The following SYT16 variants were observed in gnomAD, a reference collection of about 807,000 sequenced individuals.
SYT16 encodes synaptotagmin 16.
Under a neutral mutation model 61.4 loss-of-function variants are expected in SYT16, and 42 were observed. The ratio of observed to expected loss-of-function variants is 0.68; its 90% CI spans 0.53 to 0.89. The LOEUF is 0.89. Ranked by LOEUF, SYT16 falls within the 40% of genes least tolerant of loss-of-function variation. The pLI, the probability that SYT16 is intolerant of heterozygous loss-of-function variation, is 0.00. For missense variants in SYT16, 804 were observed against 807.3 expected (o/e 1.00, Z 0.05); for synonymous variants, 314 against 302.3 (o/e 1.04, Z -0.40).
chr14:62,093,629 A>G (rs1202651158), intron 7 of SYT16, among the ~76,000 whole-genome samples: 3 of 152,198 alleles, frequency 2.0e-5, no homozygotes, highest in East Asian at 1.9e-4. Context: ...AAAATCTGCT[A>G]GTGTAATTTA....
chr14:61,975,939 CA>C lies in SYT16; in HGVS notation c.-145+5630del, dbSNP rs537963216. Among the ~76,000 whole-genome samples the C allele has an allele frequency of 2.3e-3, 356 of 152,304 alleles. 6 individuals carry two copies. The highest frequency in any genetic ancestry group is 0.019 in the Admixed American group (290 of 15,296). ...GTCCAAAGTCTTATCTGAGACAAGG[CA>C]AGTCCCTTCCACCTATGAGCCTGTA... On this transcript the variant is annotated intron_variant, in intron 2 of 7. Coordinates refer to ENST00000683842, the MANE Select transcript of SYT16 (RefSeq NM_001367656.1).
intron 7 of SYT16, among the ~76,000 whole-genome samples, chr14:62,092,879 T>TTGTTGTGTA (rs2057138174): frequency 1.3e-5 from 2 of 152,198 alleles, no homozygotes; most frequent in South Asian, 4.1e-4. Flanking sequence ...ATGGTAAATT[T>TTGTTGTGTA]TGTTGTGTAT....
intron 1 of SYT16, among the ~76,000 whole-genome samples, chr14:61,826,342 CACAG>C (rs1231859141): frequency 1.3e-5 from 2 of 152,094 alleles, no homozygotes; most frequent in Non-Finnish European, 2.9e-5. Context: ...ATGAACTCCA[CACAG>C]ACAGTGGCTC....
chr14:61,848,653 T>C (rs1166828880), intron 1 of SYT16, among the ~76,000 whole-genome samples: 1 of 152,154 alleles, frequency 6.6e-6, no homozygotes, highest in Non-Finnish European at 1.5e-5. Context: ...TGTGTCCTTC[T>C]CTTCAGTGCG....
rs144241728 is a variant in SYT16, at chr14:61,818,451, G to A, written c.-325+5641G>A. The stretch of plus-strand genomic sequence containing the variant: ...TCCCAGCACTTTGGGAGGCCGAGGC[G>A]GGTGGATCATGAGGTCAGGAGTTTG... On this transcript the variant is annotated intron_variant, in intron 1 of 7. Coordinates refer to ENST00000683842, the MANE Select transcript of SYT16 (RefSeq NM_001367656.1). Among the ~76,000 whole-genome samples, 1,358 of 152,160 alleles carry A rather than the reference G, an allele frequency of 8.9e-3. 28 individuals are homozygous for A. The highest frequency in any genetic ancestry group is 0.031 in the African/African-American group (1,286 of 41,494).
chr14:61,908,020 T>G (rs552358789), intron 1 of SYT16, among the ~76,000 whole-genome samples: 142 of 152,364 alleles, frequency 9.3e-4, no homozygotes, highest in African/African-American at 3.1e-3. Context: ...CTTGCAACTT[T>G]GAGAACCTGT....
chr14:61,928,439 A>G (rs2049624631), intron 1 of SYT16, among the ~76,000 whole-genome samples: 1 of 152,166 alleles, frequency 6.6e-6, no homozygotes, highest in South Asian at 2.1e-4. Flanking sequence ...CTTGGCATAT[A>G]TGTCTTTGAG....
intron 1 of SYT16, among the ~76,000 whole-genome samples, chr14:61,881,062 C>T (rs895784405): frequency 6.6e-6 from 1 of 152,064 alleles, no homozygotes; most frequent in African/African-American, 2.4e-5. Flanking sequence ...CATGAAGCCC[C>T]CCTGGTGCTC....
chr14:61,943,073 A>G (rs2050271656), intron 1 of SYT16, among the ~76,000 whole-genome samples: 1 of 152,360 alleles, frequency 6.6e-6, no homozygotes, highest in East Asian at 1.9e-4. Context: ...CCACAGAAAC[A>G]CAAACTACCA....
At chr14:61,980,405 C>A (rs897431217) in intron 2 of SYT16, among the ~76,000 whole-genome samples, 4 of 152,068 alleles carry the variant, frequency 2.6e-5, no homozygotes, top group Admixed American at 2.6e-4. Context: ...TATCTCATGG[C>A]AATGCATAGT....
intron 4 of SYT16, among the ~76,000 whole-genome samples, chr14:62,074,909 A>G (rs1263031287): frequency 4.6e-5 from 7 of 152,204 alleles, no homozygotes; most frequent in Admixed American, 4.6e-4. Flanking sequence ...ACTCATATTT[A>G]AAAAGTATTA....
intron 1 of SYT16, among the ~76,000 whole-genome samples, chr14:61,894,772 G>A (rs1341136370): frequency 1.3e-5 from 2 of 152,176 alleles, no homozygotes; most frequent in East Asian, 1.9e-4. Flanking sequence ...AATCTTCCCT[G>A]TGGCTAAGTA....
chr14:61,988,881 A>AT (rs35791529), intron 2 of SYT16, among the ~76,000 whole-genome samples: 46 of 151,204 alleles, frequency 3.0e-4, no homozygotes, highest in African/African-American at 7.8e-4. Flanking sequence ...ATCTAATCGC[A>AT]TTTTTTTTTT....
chr14:61,851,474 A>T (rs201237558), intron 1 of SYT16, among the ~76,000 whole-genome samples: 10,921 of 152,234 alleles, frequency 0.072, 488 homozygotes, highest in Non-Finnish European at 0.1. Flanking sequence ...TAGGTCTTTG[A>T]GGAATCACCA....
chr14:61,980,941 ATTGTGTGTGTGTGTGTGT>A (rs2052044263), intron 2 of SYT16, among the ~76,000 whole-genome samples: 3 of 126,792 alleles, frequency 2.4e-5, no homozygotes, highest in African/African-American at 9.7e-5. Context: ...CAGTACCAAC[ATTGTGTGTGTGTGTGTGT>A]TTGTGTGTGT....
chr14:62,099,458 T>C (rs1349773413), intron 7 of SYT16, among the ~76,000 whole-genome samples: 1 of 152,134 alleles, frequency 6.6e-6, no homozygotes, highest in Non-Finnish European at 1.5e-5. Context: ...ACTTGGATAA[T>C]TTGGTGAATG....
At position 62,103,439 on chromosome 14, in the gene SYT16, G is replaced by A. The variant is rs1177889085; in HGVS notation, c.*2732G>A. The A allele has an allele frequency of 6.6e-6, 1 of 152,156 alleles. No homozygotes were observed. The highest frequency in any genetic ancestry group is 2.4e-5 in the African/African-American group (1 of 41,424). The allele number at this position is 152,156 out of a possible 1,614,324, so 9.4% of individuals were successfully genotyped here. The stretch of plus-strand genomic sequence containing the variant: ...AAGAGCATGCTTTTAAAATAATATC[G>A]TTAAGAGTAAATGATGCGCTGGGTT... On this transcript the variant is annotated 3_prime_UTR_variant, in exon 8 of 8. Transcript: ENST00000683842.
intron 3 of SYT16, among the ~76,000 whole-genome samples, chr14:62,024,270 G>A (rs946639295): frequency 3.9e-5 from 6 of 152,056 alleles, no homozygotes; most frequent in African/African-American, 1.4e-4. Flanking sequence ...GTGAAAAGTA[G>A]TAGTGTAAAT....
intron 2 of SYT16, among the ~76,000 whole-genome samples, chr14:61,989,970 G>C (rs1339665860): frequency 6.6e-6 from 1 of 152,192 alleles, no homozygotes; most frequent in East Asian, 1.9e-4. Context: ...GCCAGAAAGA[G>C]TCCTGAGTAG....
Sources: gnomAD v4.1 joint callset for allele counts (sites outside exome capture counted in the v4.1 genomes callset) on GRCh38, gnomAD v4.1.1 for gene constraint, MANE v1.5 for transcripts, NCBI Gene and HGNC (gene_info 2026-07-23, HGNC 2026-07-21) for gene names.